FER: variants seen among roughly 807,000 people sequenced by gnomAD.
FER encodes the protein FER tyrosine kinase.
A neutral mutation model predicts 111.0 loss-of-function variants in FER; 63 were observed. The observed-to-expected ratio is 0.57, with a 90% CI of 0.46 to 0.70. The LOEUF is 0.70. FER is among the 30% of genes least tolerant of loss of function. The pLI is 0.00. For synonymous variants in FER, 327 were observed against 313.9 expected (o/e 1.04, Z -0.44); for missense variants, 914 against 954.0 (o/e 0.96, Z 0.55).
intron 5 of FER, among the ~76,000 whole-genome samples, chr5:108,844,858 C>T (rs1382374897): frequency 6.6e-6 from 1 of 150,622 alleles, no homozygotes; most frequent in Non-Finnish European, 1.5e-5. Context: ...TAAAATTGCT[C>T]ATTAGGACTC....
At chr5:109,166,356 C>G (rs1183502568) in intron 17 of FER, among the ~76,000 whole-genome samples, 1 of 151,998 alleles carries the variant, frequency 6.6e-6, no homozygotes, top group African/African-American at 2.4e-5. Flanking sequence ...CATTATTACC[C>G]CAATGAGAAG....
chr5:109,165,641 T>TAC (rs1227610260), intron 17 of FER, among the ~76,000 whole-genome samples: 2 of 101,798 alleles, frequency 2.0e-5, no homozygotes, highest in East Asian at 2.3e-4. Context: ...TGTGTGTGTA[T>TAC]ACACACATAT....
chr5:109,044,583 G>T lies in FER; in HGVS notation c.1714-97G>T. The T allele has an allele frequency of 6.6e-6, 4 of 604,566 alleles. No individual in the cohort carries two copies. In the East Asian group the frequency reaches 1.1e-4, roughly 17 times the overall value. 37.5% of individuals were successfully genotyped at this position (604,566 alleles called of 1,614,324 possible). A position where few individuals can be genotyped will look rare whatever the true frequency, so the allele number is the denominator to read the frequency against. On this transcript the variant is annotated intron_variant, in intron 14 of 19. Coordinates refer to ENST00000281092, the MANE Select transcript of FER (RefSeq NM_005246.4). ...TCATCACTGGTGATATTGACATGTAGGTAAGCACCTCCTCCTCTTTGGTAC... is the reference window on the plus strand; with the variant it reads ...TCATCACTGGTGATATTGACATGTATGTAAGCACCTCCTCCTCTTTGGTAC...
intron 2 of FER, among the ~76,000 whole-genome samples, chr5:108,795,581 T>C (rs888036686): frequency 8.5e-5 from 13 of 152,144 alleles, no homozygotes; most frequent in Non-Finnish European, 1.6e-4. Context: ...CCTCTGACTA[T>C]TTTTAAATAG....
chr5:109,078,012 A>G (rs1188739165), intron 16 of FER, among the ~76,000 whole-genome samples: 5 of 152,168 alleles, frequency 3.3e-5, no homozygotes, highest in Non-Finnish European at 4.4e-5. Context: ...TTTGAAATAA[A>G]CTAATATCAA....
intron 13 of FER, among the ~76,000 whole-genome samples, chr5:108,968,791 A>G (rs11954716): frequency 0.12 from 18,783 of 152,092 alleles, 1,208 homozygotes; most frequent in Middle Eastern, 0.16. Flanking sequence ...ATCAATACAA[A>G]CTCATACCAC....
intron 13 of FER, among the ~76,000 whole-genome samples, chr5:108,962,208 T>G (rs1482597091): frequency 6.6e-6 from 1 of 152,218 alleles, no homozygotes; most frequent in Non-Finnish European, 1.5e-5. Flanking sequence ...TCCCTGATTT[T>G]TCCTGCACTG....
At chr5:109,031,178 G>T (rs76973586) in intron 13 of FER, among the ~76,000 whole-genome samples, 20 of 152,060 alleles carry the variant, frequency 1.3e-4, no homozygotes, top group African/African-American at 4.3e-4. Flanking sequence ...TAACTGAGCC[G>T]CCTTCTATGG....
intron 13 of FER, among the ~76,000 whole-genome samples, chr5:109,036,135 T>C (rs1770362104): frequency 6.6e-6 from 1 of 152,168 alleles, no homozygotes; most frequent in Non-Finnish European, 1.5e-5. Flanking sequence ...TGCTTTTGAA[T>C]AAATGTTTTC....
chr5:109,080,974 A>C (rs938195516), intron 16 of FER, among the ~76,000 whole-genome samples: 1 of 152,104 alleles, frequency 6.6e-6, no homozygotes, highest in Non-Finnish European at 1.5e-5. Context: ...GATTTCATGC[A>C]AAGTGTTCAA....
At chr5:109,017,151 C>G (rs146895843) in intron 13 of FER, among the ~76,000 whole-genome samples, 1 of 151,862 alleles carries the variant, frequency 6.6e-6, no homozygotes, top group South Asian at 2.1e-4. Context: ...ATATTACAGG[C>G]TTTTTACTGA....
intron 8 of FER, 59 bp downstream of exon 8, chr5:108,872,271 G>T (rs1044739561): frequency 9.7e-6 from 14 of 1,439,332 alleles, no homozygotes. Flanking sequence ...CTTTATTGTT[G>T]TACTCAGATT....
At chr5:108,920,891 C>T (rs781200287) in intron 10 of FER, among the ~76,000 whole-genome samples, 9 of 152,066 alleles carry the variant, frequency 5.9e-5, no homozygotes, top group Non-Finnish European at 1.3e-4. Flanking sequence ...TAATCTCATC[C>T]CTGCCTACTT....
chr5:109,047,874 T>C (rs1326719666), intron 16 of FER, among the ~76,000 whole-genome samples: 3 of 152,234 alleles, frequency 2.0e-5, no homozygotes, highest in Admixed American at 6.5e-5. Flanking sequence ...CTGGTGACTT[T>C]CAACACCTTT....
intron 10 of FER, among the ~76,000 whole-genome samples, chr5:108,902,031 AG>A (rs1750101665): frequency 6.6e-6 from 1 of 152,204 alleles, no homozygotes; most frequent in South Asian, 2.1e-4. Context: ...TTATTTGCAA[AG>A]GTTCACTCTA....
intron 5 of FER, among the ~76,000 whole-genome samples, chr5:108,855,958 T>C (rs565888730): frequency 1.3e-5 from 2 of 151,870 alleles, no homozygotes; most frequent in Admixed American, 6.6e-5. Flanking sequence ...TTTTTTTTTT[T>C]CAAGATTGGG....
chr5:108,878,091 G>A (rs1157245062), intron 8 of FER, among the ~76,000 whole-genome samples: 1 of 151,924 alleles, frequency 6.6e-6, no homozygotes. Context: ...ATTTTTATTA[G>A]AGATGGGGTT....
chr5:108,884,764 AAGAGTGATT>A (rs1376202052), intron 9 of FER, among the ~76,000 whole-genome samples: 1 of 152,000 alleles, frequency 6.6e-6, no homozygotes, highest in Non-Finnish European at 1.5e-5. Context: ...AACTTGTTCC[AAGAGTGATT>A]ATGCTCACTC....
At chr5:108,922,371 T>C (rs193233366) in intron 10 of FER, among the ~76,000 whole-genome samples, 10 of 152,328 alleles carry the variant, frequency 6.6e-5, no homozygotes, top group Admixed American at 6.5e-4. Context: ...GGTATCTAGA[T>C]GACATTAAAG....
Sources: allele counts gnomAD v4.1 joint callset (sites outside exome capture counted in the v4.1 genomes callset), GRCh38; gene constraint gnomAD v4.1.1; transcripts MANE v1.5; gene names NCBI Gene and HGNC (gene_info 2026-07-23, HGNC 2026-07-21).